CDK17: variants seen among roughly 807,000 people sequenced by gnomAD.
CDK17 encodes cyclin-dependent kinase 17.
CDK17 carries 24 observed loss-of-function variants against 77.6 expected under a neutral mutation model. The observed-to-expected ratio is 0.31, with a 90% CI of 0.22 to 0.44. The LOEUF is 0.44. Among genes scored for constraint, CDK17 ranks in the 20% least tolerant of loss-of-function variants. The probability of loss-of-function intolerance (pLI) is 1.00; values close to 1 mark genes in which losing one functional copy is unlikely to be tolerated. For synonymous variants in CDK17, 203 were observed against 210.4 expected (o/e 0.96, Z 0.30); for missense variants, 429 against 622.5 (o/e 0.69, Z 3.31).
chr12:96,387,223 A>T (rs970835532), intron 1 of CDK17: 9 of 243,304 alleles, frequency 3.7e-5, no homozygotes, highest in African/African-American at 2.1e-4. Flanking sequence ...CCTTGGGTCC[A>T]ATAGCACACA....
At chr12:96,308,252 A>AAAAAAAAAAAAAAAAAAAT (rs750453479) in intron 5 of CDK17, among the ~76,000 whole-genome samples, 1 of 143,496 alleles carries the variant, frequency 7.0e-6, no homozygotes, top group Non-Finnish European at 1.5e-5. Context: ...AAAAAAAAAA[A>AAAAAAAAAAAAAAAAAAAT]GTTTTTTAAT....
At chr12:96,367,068 T>C (rs371996190) in intron 1 of CDK17, among the ~76,000 whole-genome samples, 1 of 151,896 alleles carries the variant, frequency 6.6e-6, no homozygotes, top group Non-Finnish European at 1.5e-5. Flanking sequence ...CTTATGGCCA[T>C]GTGCGATGGC....
intron 1 of CDK17, among the ~76,000 whole-genome samples, chr12:96,337,051 C>T (rs1445065593): frequency 6.6e-6 from 1 of 152,008 alleles, no homozygotes; most frequent in African/African-American, 2.4e-5. Context: ...ATGATGTTAC[C>T]TTCCTCCAGA....
At chr12:96,324,521 C>T (rs1952867750) in intron 2 of CDK17, among the ~76,000 whole-genome samples, 2 of 152,234 alleles carry the variant, frequency 1.3e-5, no homozygotes, top group Admixed American at 1.3e-4. Context: ...AATCCCAGCA[C>T]TTTGGGAGGC....
chr12:96,373,876 C>T (rs973952544), intron 1 of CDK17, among the ~76,000 whole-genome samples: 14 of 152,164 alleles, frequency 9.2e-5, no homozygotes, highest in South Asian at 2.1e-4. Context: ...GCCAAGATCG[C>T]GCCATTGCAC....
chr12:96,334,661 A>G, intron 2 of CDK17, 58 bp downstream of exon 2: 2 of 875,268 alleles, frequency 2.3e-6, no homozygotes, highest in Non-Finnish European at 3.8e-6. Context: ...GTAAATTTAC[A>G]TTCTATTCAT....
chr12:96,393,354 C>CAAAAAAAAAAAAAAAA (rs10633197), intron 1 of CDK17, among the ~76,000 whole-genome samples: 1 of 43,346 alleles, frequency 2.3e-5, no homozygotes. Flanking sequence ...GGCTCCGCCT[C>CAAAAAAAAAAAAAAAA]AAAAAAAAAA....
At chr12:96,282,721 A>G (rs771091546) in intron 14 of CDK17, 122 bp from the exon 15 acceptor site, 132 of 626,066 alleles carry the variant, frequency 2.1e-4, no homozygotes, top group Non-Finnish European at 3.4e-4. Context: ...TATGATGACT[A>G]TTTTTCAATC....
chr12:96,399,759 G>A lies in CDK17; in HGVS notation c.-30+227C>T, dbSNP rs529707828. Among the ~76,000 whole-genome samples the A allele has an allele frequency of 1.4e-4, 21 of 152,088 alleles. No individual in the cohort carries two copies. In the South Asian group the frequency reaches 3.5e-3, roughly 26 times the overall value. ...GCTCGCAGACACTCACACCCCACCC[G>A]AGCCCCGGAAATCCCCGGGCGACCC... On this transcript the variant is annotated intron_variant, in intron 1 of 16. Coordinates refer to ENST00000261211, the MANE Select transcript of CDK17 (RefSeq NM_002595.5).
At chr12:96,286,556 T>C in intron 12 of CDK17, 108 bp downstream of exon 12, 2 of 704,954 alleles carry the variant, frequency 2.8e-6, no homozygotes, top group South Asian at 1.9e-5. Flanking sequence ...AACAGCTGTT[T>C]ATGTTAGTCT....
chr12:96,390,677 C>T (rs1954052765), intron 1 of CDK17, among the ~76,000 whole-genome samples: 1 of 141,674 alleles, frequency 7.1e-6, no homozygotes, highest in South Asian at 2.2e-4. Flanking sequence ...CCACTGCACT[C>T]CAGCCTGGAC....
chr12:96,301,636 A>G (rs1952505915), intron 5 of CDK17, among the ~76,000 whole-genome samples: 1 of 152,162 alleles, frequency 6.6e-6, no homozygotes, highest in African/African-American at 2.4e-5. Context: ...CCCTTAAATA[A>G]AAAGCCAGTT....
intron 1 of CDK17, among the ~76,000 whole-genome samples, chr12:96,339,028 C>A (rs1953086338): frequency 6.6e-6 from 1 of 151,988 alleles, no homozygotes; most frequent in African/African-American, 2.4e-5. Context: ...CATTATCCGA[C>A]TATACAGACA....
intron 1 of CDK17, among the ~76,000 whole-genome samples, chr12:96,388,174 T>C (rs1029571084): frequency 1.3e-5 from 2 of 151,272 alleles, no homozygotes; most frequent in Non-Finnish European, 2.9e-5. Context: ...AAGCAAATAC[T>C]GTCTAGACTA....
chr12:96,364,670 C>T (rs1953555024), intron 1 of CDK17, among the ~76,000 whole-genome samples: 1 of 152,136 alleles, frequency 6.6e-6, no homozygotes, highest in Non-Finnish European at 1.5e-5. Flanking sequence ...CAGCTGAGTA[C>T]CATCAAGAAA....
chr12:96,340,447 ATC>A (rs1474995637), intron 1 of CDK17, among the ~76,000 whole-genome samples: 1 of 152,218 alleles, frequency 6.6e-6, no homozygotes, highest in African/African-American at 2.4e-5. Context: ...CCTATTTTTA[ATC>A]TGTGGTATAA....
At chr12:96,312,207 G>C (rs981378614) in intron 4 of CDK17, among the ~76,000 whole-genome samples, 1 of 152,118 alleles carries the variant, frequency 6.6e-6, no homozygotes, top group East Asian at 1.9e-4. Flanking sequence ...AGCCCAGGAG[G>C]TTGAGGCTGT....
At chr12:96,347,669 G>C (rs1592744836) in intron 1 of CDK17, among the ~76,000 whole-genome samples, 1 of 145,120 alleles carries the variant, frequency 6.9e-6, no homozygotes, top group Admixed American at 7.0e-5. Flanking sequence ...AAGAAATATA[G>C]GACTTGAACA....
intron 3 of CDK17, among the ~76,000 whole-genome samples, chr12:96,316,423 GCCA>G (rs1387452874): frequency 6.9e-6 from 1 of 145,894 alleles, no homozygotes; most frequent in East Asian, 2.2e-4. Flanking sequence ...AAACAAAGCA[GCCA>G]CGAAGCTCGA....
Sources: allele counts gnomAD v4.1 joint callset (sites outside exome capture counted in the v4.1 genomes callset), GRCh38; gene constraint gnomAD v4.1.1; transcripts MANE v1.5; gene names NCBI Gene and HGNC (gene_info 2026-07-23, HGNC 2026-07-21).